The following IPO11 variants were observed in gnomAD, a reference collection of about 807,000 sequenced individuals.
IPO11 encodes the protein importin 11, also known as importin-11.
A neutral mutation model predicts 143.2 loss-of-function variants in IPO11; 66 were observed. The observed-to-expected ratio is 0.46, with a 90% confidence interval of 0.38 to 0.57. IPO11 has a LOEUF of 0.57. IPO11 is among the 20% of genes least tolerant of loss of function. The probability of loss-of-function intolerance (pLI) is 0.00; values close to 1 mark genes in which losing one functional copy is unlikely to be tolerated. For missense variants in IPO11, 1,026 were observed against 1,141.0 expected, an observed-to-expected ratio of 0.90 and a Z score of 1.45; for synonymous variants, 385 against 377.8, an observed-to-expected ratio of 1.02 and a Z score of -0.22.
intron 1 of IPO11, among the ~76,000 whole-genome samples, chr5:62,431,677 C>CA: frequency 6.6e-6 from 1 of 152,188 alleles, no homozygotes; most frequent in East Asian, 1.9e-4. Context: ...CACAGTGGCT[C>CA]ACACCTGTAT....
chr5:62,612,313 G>A (rs1350912850), intron 29 of IPO11, among the ~76,000 whole-genome samples: 2 of 152,134 alleles, frequency 1.3e-5, no homozygotes, highest in Non-Finnish European at 2.9e-5. Context: ...GAGAATGGGG[G>A]TCTATTGATA....
At chr5:62,539,806 A>G (rs1166165228) in intron 24 of IPO11, among the ~76,000 whole-genome samples, 2 of 152,256 alleles carry the variant, frequency 1.3e-5, no homozygotes, top group African/African-American at 2.4e-5. Context: ...CAATATAAGT[A>G]TATTAAGGAA....
rs1344452522 is a variant in IPO11 at position 62,435,164 on chromosome 5, ATATATATG to A, written c.-6-2094_-6-2087del. ...TATATGTATATATGTATATATATGT[ATATATATG>A]TATATATGTATATATATGTATATAT... On this transcript the variant is annotated intron_variant, in intron 1 of 29. Transcript: ENST00000325324. Among the ~76,000 whole-genome samples, 92 of 98,386 alleles carry A rather than the reference ATATATATG, an allele frequency of 9.4e-4. 1 individual carries two copies. The highest frequency in any genetic ancestry group is 1.3e-3 in the Non-Finnish European group (61 of 47,926). 64.5% of individuals were successfully genotyped at this position (98,386 alleles called of 152,430 possible). A position where few individuals can be genotyped will look rare whatever the true frequency, so the allele number is the denominator to read the frequency against.
chr5:62,460,555 C>G (rs767912943), intron 5 of IPO11, among the ~76,000 whole-genome samples: 7 of 152,178 alleles, frequency 4.6e-5, no homozygotes, highest in Non-Finnish European at 7.3e-5. Context: ...GACAACAATT[C>G]TGAGGCTAAA....
chr5:62,492,436 C>T (rs2112240133), intron 15 of IPO11, among the ~76,000 whole-genome samples: 1 of 152,308 alleles, frequency 6.6e-6, no homozygotes. Flanking sequence ...TTCTTCTCTT[C>T]CTTTTCTAAA....
chr5:62,465,124 T>G (rs1745523190), intron 5 of IPO11, among the ~76,000 whole-genome samples: 1 of 152,220 alleles, frequency 6.6e-6, no homozygotes, highest in African/African-American at 2.4e-5. Context: ...TAAGAAATTT[T>G]ACTGTAGTTT....
chr5:62,567,493 TTA>T (rs1743984613), intron 27 of IPO11, among the ~76,000 whole-genome samples: 1 of 132,298 alleles, frequency 7.6e-6, no homozygotes, highest in Non-Finnish European at 1.6e-5. Flanking sequence ...ATTATTATTA[TTA>T]TTTTTTTTAC....
chr5:62,459,731 G>A (rs1421196405), intron 5 of IPO11, among the ~76,000 whole-genome samples: 1 of 152,044 alleles, frequency 6.6e-6, no homozygotes, highest in Non-Finnish European at 1.5e-5. Context: ...TGTATTTTTA[G>A]TAGAGGCAGG....
chr5:62,625,021 A>G (rs1239874605), intron 29 of IPO11, among the ~76,000 whole-genome samples: 3 of 151,626 alleles, frequency 2.0e-5, no homozygotes, highest in African/African-American at 7.3e-5. Flanking sequence ...CACCGGTTCA[A>G]AGGCCTCTGA....
At chr5:62,555,693 C>T (rs1488668960) in intron 26 of IPO11, among the ~76,000 whole-genome samples, 3 of 151,940 alleles carry the variant, frequency 2.0e-5, no homozygotes, top group African/African-American at 7.3e-5. Flanking sequence ...TTAGTAGAGA[C>T]GGGGTTTCAC....
intron 12 of IPO11, among the ~76,000 whole-genome samples, chr5:62,486,205 C>A (rs1327084273): frequency 6.6e-6 from 1 of 152,058 alleles, no homozygotes; most frequent in African/African-American, 2.4e-5. Context: ...TGGTCTCGAT[C>A]TCCTGACCTC....
At chr5:62,533,597 A>G (rs1742632349) in intron 22 of IPO11, among the ~76,000 whole-genome samples, 1 of 152,138 alleles carries the variant, frequency 6.6e-6, no homozygotes, top group Non-Finnish European at 1.5e-5. Context: ...CAAAATGAAT[A>G]CTGTTTTTGT....
intron 1 of IPO11, among the ~76,000 whole-genome samples, chr5:62,423,563 C>T (rs1251175299): frequency 1.3e-5 from 2 of 152,130 alleles, no homozygotes; most frequent in African/African-American, 2.4e-5. Context: ...TCTCTGTGTC[C>T]GTTAGCGGCC....
intron 26 of IPO11, among the ~76,000 whole-genome samples, chr5:62,559,166 G>A (rs1743681301): frequency 6.6e-6 from 1 of 152,006 alleles, no homozygotes; most frequent in South Asian, 2.1e-4. Context: ...GGGTGGCTGT[G>A]GCAGTTTCTT....
At chr5:62,449,368 A>C (rs1187103764) in intron 3 of IPO11, among the ~76,000 whole-genome samples, 1 of 152,198 alleles carries the variant, frequency 6.6e-6, no homozygotes, top group Non-Finnish European at 1.5e-5. Context: ...AAAATGAAAG[A>C]TTTAAGCTAG....
At chr5:62,449,711 C>A in intron 3 of IPO11, 1 of 366,916 alleles carries the variant, frequency 2.7e-6, no homozygotes, top group Non-Finnish European at 4.9e-6. Context: ...ATTCATTTAC[C>A]AGAACCAATT....
intron 27 of IPO11, among the ~76,000 whole-genome samples, chr5:62,572,438 G>A (rs1465771542): frequency 6.6e-6 from 1 of 151,936 alleles, no homozygotes. Context: ...AGTATTATTT[G>A]GTGTTTACAA....
chr5:62,544,620 G>T (rs1346353397), intron 24 of IPO11, among the ~76,000 whole-genome samples: 1 of 152,150 alleles, frequency 6.6e-6, no homozygotes, highest in Non-Finnish European at 1.5e-5. Flanking sequence ...GTAGGAGAAA[G>T]AAATCAATGA....
chr5:62,580,195 A>T (rs1290313293), intron 27 of IPO11: 1 of 1,551,124 alleles, frequency 6.4e-7, no homozygotes, highest in East Asian at 2.4e-5. Flanking sequence ...AGGACTTGCC[A>T]ATCTGGAATA....
Sources: gnomAD v4.1 joint callset for allele counts (sites outside exome capture counted in the v4.1 genomes callset) on GRCh38, gnomAD v4.1.1 for gene constraint, MANE v1.5 for transcripts, NCBI Gene and HGNC (gene_info 2026-07-23, HGNC 2026-07-21) for gene names.